The following ANKFY1 variants were observed in gnomAD, a reference collection of about 807,000 sequenced individuals.
The protein encoded by ANKFY1 is ankyrin repeat and FYVE domain-containing protein 1.
ANKFY1 carries 47 observed loss-of-function variants against 128.3 expected under a neutral mutation model. The observed-to-expected ratio is 0.37, with a 90% CI of 0.29 to 0.47. The LOEUF (loss-of-function observed/expected upper bound fraction) is 0.47, where lower values mean the gene tolerates loss of function less well. Among genes scored for constraint, ANKFY1 ranks in the 20% least tolerant of loss-of-function variants. ANKFY1 has a pLI of 1.00. For synonymous variants in ANKFY1, 553 were observed against 601.6 expected (o/e 0.92, Z 1.18); for missense variants, 1,222 against 1,510.6 (o/e 0.81, Z 3.17).
rs1047323410 is a variant in ANKFY1, at chr17:4,177,198, G to A, written c.2703C>T (p.Val901=). The change falls in exon 19 of 25, where the codon GTC becomes GTT. Residue 901 remains valine, a synonymous_variant. Coordinates refer to ENST00000341657, the MANE Select transcript of ANKFY1 (RefSeq NM_001330063.2). Reference sequence around the variant, plus strand: ...GGGGGGTCAACTTGGAGGCATCCTGGACTCTTGAATTCACATTAGCGTGGA... The same window carrying A: ...GGGGGGTCAACTTGGAGGCATCCTGAACTCTTGAATTCACATTAGCGTGGA... The part of the protein sequence containing the change: ...ISVHANVNSR[V]QDASKLTPLH... 1.2e-6 allele frequency: 2 copies of A among 1,609,152 alleles called. No individual in the cohort carries two copies. The highest frequency in any genetic ancestry group is 2.7e-5 in the African/African-American group (2 of 74,852).
At chr17:4,255,251 T>TC (rs1473236666) in intron 1 of ANKFY1, among the ~76,000 whole-genome samples, 3 of 149,364 alleles carry the variant, frequency 2.0e-5, no homozygotes, top group African/African-American at 7.5e-5. Context: ...TTCTTTTTTT[T>TC]TTTTTTTTTT....
chr17:4,263,537 C>A, intron 1 of ANKFY1: 1 of 1,531,966 alleles, frequency 6.5e-7, no homozygotes, highest in South Asian at 1.2e-5. Context: ...GGATGGACCC[C>A]TTCCGGATGC....
intron 3 of ANKFY1, among the ~76,000 whole-genome samples, chr17:4,231,503 A>G (rs987793835): frequency 5.3e-5 from 8 of 152,152 alleles, no homozygotes; most frequent in African/African-American, 1.9e-4. Flanking sequence ...ACAAAAAAAG[A>G]ATCCTACAGA....
intron 1 of ANKFY1, among the ~76,000 whole-genome samples, chr17:4,255,822 T>C (rs1235238695): frequency 1.3e-5 from 2 of 151,916 alleles, no homozygotes; most frequent in Admixed American, 1.3e-4. Flanking sequence ...CTTTTCTTTT[T>C]TTTTTTTCTT....
Position 4,195,477 on chromosome 17 carries a change from G to A in ANKFY1, c.1104-6C>T. The A allele has an allele frequency of 6.2e-7, 1 of 1,613,642 alleles. No individual in the cohort carries two copies. Among genetic ancestry groups the A allele is most frequent in the Non-Finnish European group, 8.5e-7 (1 of 1,179,628 alleles). On this transcript the variant is annotated splice_region_variant and splice_polypyrimidine_tract_variant and intron_variant, in intron 8 of 24. Transcript: ENST00000341657. ...TGGACACATGTAAAGGAGTCCTGCG[G>A]GATCCAAAAGAAGAGGGGTCAGTTC... is the stretch of plus-strand genomic sequence containing the variant.
At chr17:4,251,500 T>C (rs977883878) in intron 1 of ANKFY1, among the ~76,000 whole-genome samples, 6 of 147,992 alleles carry the variant, frequency 4.1e-5, no homozygotes, top group South Asian at 2.1e-4. Context: ...CTTCAAATCA[T>C]TGACAGGTAA....
At chr17:4,185,915 C>T (rs915518501) in intron 11 of ANKFY1, among the ~76,000 whole-genome samples, 4 of 152,110 alleles carry the variant, frequency 2.6e-5, no homozygotes, top group African/African-American at 7.2e-5. Flanking sequence ...TCTTTAGCTC[C>T]GTCTCTGTGG....
At chr17:4,172,015 C>T (rs1291622357) in intron 22 of ANKFY1, among the ~76,000 whole-genome samples, 3 of 152,096 alleles carry the variant, frequency 2.0e-5, no homozygotes, top group African/African-American at 7.2e-5. Flanking sequence ...GAGTCCTCGG[C>T]AAGAAAACGA....
At chr17:4,222,147 G>GC (rs1461390641) in intron 3 of ANKFY1, 2 of 148,330 alleles carry the variant, frequency 1.3e-5, no homozygotes, top group Non-Finnish European at 3.0e-5. Context: ...TGGCTGGGGT[G>GC]CCCCGCGGCC....
intron 1 of ANKFY1, among the ~76,000 whole-genome samples, chr17:4,256,461 G>A (rs1042261774): frequency 1.3e-5 from 2 of 152,076 alleles, no homozygotes; most frequent in Non-Finnish European, 2.9e-5. Context: ...TAACTGTACT[G>A]TGCAGGGTTC....
At chr17:4,213,636 G>A (rs1015195190) in intron 4 of ANKFY1, among the ~76,000 whole-genome samples, 2 of 147,444 alleles carry the variant, frequency 1.4e-5, no homozygotes, top group Non-Finnish European at 3.0e-5. Context: ...GTACGATCTC[G>A]GCTCACTGCA....
At position 4,197,395 on chromosome 17, in the gene ANKFY1, T is replaced by C; in HGVS notation, c.1081A>G (p.Asn361Asp). The C allele has an allele frequency of 6.2e-7, 1 of 1,614,190 alleles. No individual in the cohort carries two copies. Among genetic ancestry groups the C allele is most frequent in the Non-Finnish European group, 8.5e-7 (1 of 1,180,042 alleles). ...EALLQAGANP[N>D]MQDSKGRTPL... is the part of the protein sequence containing the mutation. ...TACCTCCCCTTGCTGTCCTGCATGT[T>C]GGGGTTGGCACCAGCCTGCAGAAGG... Residue 361 changes from asparagine (N) to aspartate (D), a missense_variant, in exon 8 of 25, where the codon AAC (asparagine) becomes GAC (aspartate). By Grantham distance (23) the Asn-to-Asp change is conservative. Transcript: ENST00000341657.
rs772927206 is a variant in ANKFY1 at position 4,179,066 on chromosome 17, C to G, written c.2398-9G>C. 16 of 1,613,684 alleles carry G rather than the reference C, an allele frequency of 9.9e-6. No individual in the cohort carries two copies. Among genetic ancestry groups the G allele is most frequent in the Non-Finnish European group, 1.3e-5 (15 of 1,179,778 alleles). On this transcript the variant is annotated splice_polypyrimidine_tract_variant and intron_variant, in intron 17 of 24. Coordinates refer to ENST00000341657, the MANE Select transcript of ANKFY1 (RefSeq NM_001330063.2). ...GTTCTTCCTTCTGCATCCTATGGAA[C>G]AAGGCACAGAATTTAATGTTCAATT...
At position 4,166,282 on chromosome 17, in the gene ANKFY1, CA is replaced by C. The variant is rs1188018555; in HGVS notation, c.*1496del. 1.3e-5 allele frequency: 2 copies of C among 152,170 alleles called. No individual in the cohort carries two copies. The highest frequency in any genetic ancestry group is 4.8e-5 in the African/African-American group (2 of 41,382). The allele number at this position is 152,170 out of a possible 1,614,324, so 9.4% of individuals were successfully genotyped here. ...AGAATGAACAAAGAACAGGCTGTTG[CA>C]AAAATATTTAGTCCCTTTACACATA... On this transcript the variant is annotated 3_prime_UTR_variant, in exon 25 of 25. Transcript: ENST00000341657.
intron 11 of ANKFY1, chr17:4,187,349 A>G: frequency 5.0e-6 from 2 of 398,598 alleles, no homozygotes; most frequent in Non-Finnish European, 8.8e-6. Context: ...TTGCTTGTCA[A>G]GATGACTCCC....
At chr17:4,259,788 C>T (rs1440469313) in intron 1 of ANKFY1, among the ~76,000 whole-genome samples, 4 of 152,190 alleles carry the variant, frequency 2.6e-5, no homozygotes, top group African/African-American at 9.7e-5. Context: ...TCAACCACAG[C>T]CATGATTCTA....
intron 1 of ANKFY1, among the ~76,000 whole-genome samples, chr17:4,258,398 G>A (rs1424755280): frequency 2.6e-5 from 4 of 151,912 alleles, no homozygotes; most frequent in Non-Finnish European, 4.4e-5. Flanking sequence ...GGTGGCGGGC[G>A]CCTGTAGTCC....
chr17:4,216,865 A>C, intron 4 of ANKFY1, 118 bp downstream of exon 4: 1 of 1,436,672 alleles, frequency 7.0e-7, no homozygotes, highest in Non-Finnish European at 9.5e-7. Flanking sequence ...ATCGCCTTTA[A>C]AGGAACACCT....
chr17:4,214,654 T>C (rs2060191138), intron 4 of ANKFY1, among the ~76,000 whole-genome samples: 2 of 151,732 alleles, frequency 1.3e-5, no homozygotes, highest in African/African-American at 4.8e-5. Flanking sequence ...GCCTCCTGAG[T>C]AGCTGGGATT....
Sources: allele counts gnomAD v4.1 joint callset (sites outside exome capture counted in the v4.1 genomes callset), GRCh38; gene constraint gnomAD v4.1.1; transcripts MANE v1.5; gene names NCBI Gene and HGNC (gene_info 2026-07-23, HGNC 2026-07-21).